The following FHIT variants were observed in gnomAD, a reference collection of about 807,000 sequenced individuals.
FHIT encodes the protein bis(5'-adenosyl)-triphosphatase.
Under a neutral mutation model 17.9 loss-of-function variants are expected in FHIT, and 19 were observed. The observed-to-expected ratio is 1.06, with a 90% CI of 0.74 to 1.56. FHIT has a LOEUF of 1.56. Ranked by LOEUF, FHIT falls within the 40% of genes most tolerant of loss-of-function variation. The probability of loss-of-function intolerance (pLI) is 0.00; values close to 1 mark genes in which losing one functional copy is unlikely to be tolerated. For missense variants in FHIT, 248 were observed against 189.2 expected (o/e 1.31, Z -1.82); for synonymous variants, 81 against 69.7 (o/e 1.16, Z -0.81).
At chr3:59,851,248 A>G (rs1287333199) in intron 8 of FHIT, among the ~76,000 whole-genome samples, 1 of 152,180 alleles carries the variant, frequency 6.6e-6, no homozygotes, top group Non-Finnish European at 1.5e-5. Context: ...CTCATTAATT[A>G]TTAACTAACT....
At chr3:60,406,890 A>G (rs747870466) in intron 5 of FHIT, among the ~76,000 whole-genome samples, 1 of 152,122 alleles carries the variant, frequency 6.6e-6, no homozygotes, top group Non-Finnish European at 1.5e-5. Context: ...TGACTAAAAT[A>G]AACAGAAGAC....
At chr3:60,855,026 T>C (rs576510532) in intron 3 of FHIT, among the ~76,000 whole-genome samples, 11 of 152,260 alleles carry the variant, frequency 7.2e-5, no homozygotes, top group African/African-American at 9.6e-5. Context: ...GAGTCAGTCA[T>C]CTCATTTGCT....
At chr3:60,760,430 G>A (rs1253611236) in intron 4 of FHIT, among the ~76,000 whole-genome samples, 2 of 152,202 alleles carry the variant, frequency 1.3e-5, no homozygotes, top group African/African-American at 4.8e-5. Context: ...GGAGATCTGA[G>A]AAAAGGGTGG....
intron 8 of FHIT, among the ~76,000 whole-genome samples, chr3:59,801,857 T>C (rs1244030458): frequency 6.6e-6 from 1 of 152,228 alleles, no homozygotes; most frequent in Non-Finnish European, 1.5e-5. Flanking sequence ...CCTTTGCTCA[T>C]ACCCTGGTCT....
chr3:60,752,649 C>T (rs2042491854), intron 4 of FHIT, among the ~76,000 whole-genome samples: 1 of 152,186 alleles, frequency 6.6e-6, no homozygotes, highest in African/African-American at 2.4e-5. Context: ...GCAAATGCTG[C>T]TGTTTCCAAA....
intron 8 of FHIT, among the ~76,000 whole-genome samples, chr3:59,779,898 G>T (rs991436896): frequency 3.9e-5 from 6 of 152,224 alleles, no homozygotes; most frequent in African/African-American, 1.4e-4. Context: ...GGATTCTAAA[G>T]TGCATGACCA....
chr3:61,056,672 G>A (rs1156892853), intron 2 of FHIT, among the ~76,000 whole-genome samples: 2 of 152,160 alleles, frequency 1.3e-5, no homozygotes, highest in African/African-American at 4.8e-5. Flanking sequence ...TCTCCACAGA[G>A]GAAGGACAGA....
chr3:60,260,170 T>C (rs368220583), intron 5 of FHIT, among the ~76,000 whole-genome samples: 1 of 151,998 alleles, frequency 6.6e-6, no homozygotes. Flanking sequence ...TTAAGGAAGA[T>C]CTAGCAAAAC....
chr3:60,051,639 T>C (rs1701884753), intron 5 of FHIT, among the ~76,000 whole-genome samples: 1 of 152,150 alleles, frequency 6.6e-6, no homozygotes, highest in Non-Finnish European at 1.5e-5. Context: ...TGAGTATCTA[T>C]ATCTGTAGTG....
At chr3:60,259,923 G>A (rs934751834) in intron 5 of FHIT, among the ~76,000 whole-genome samples, 3 of 152,018 alleles carry the variant, frequency 2.0e-5, no homozygotes, top group African/African-American at 7.2e-5. Context: ...TAATTCAAGG[G>A]AGGGAAAGCA....
chr3:60,346,447 G>C (rs1174934902), intron 5 of FHIT, among the ~76,000 whole-genome samples: 1 of 152,192 alleles, frequency 6.6e-6, no homozygotes, highest in African/African-American at 2.4e-5. Flanking sequence ...TGTGCACTGA[G>C]GGAAGTGGGT....
At chr3:60,175,022 T>G (rs974462500) in intron 5 of FHIT, among the ~76,000 whole-genome samples, 1 of 152,174 alleles carries the variant, frequency 6.6e-6, no homozygotes, top group Non-Finnish European at 1.5e-5. Context: ...TAAACCACCA[T>G]AAAATCCTGA....
intron 4 of FHIT, among the ~76,000 whole-genome samples, chr3:60,740,374 TAATC>T (rs1306316256): frequency 6.6e-6 from 1 of 152,176 alleles, no homozygotes; most frequent in Non-Finnish European, 1.5e-5. Context: ...GAAAAGGAGA[TAATC>T]AATGTACCTA....
At chr3:59,780,645 C>T (rs1363338755) in intron 8 of FHIT, among the ~76,000 whole-genome samples, 1 of 152,010 alleles carries the variant, frequency 6.6e-6, no homozygotes, top group Non-Finnish European at 1.5e-5. Context: ...AAGGTGGAGC[C>T]CCAGGATGGA....
intron 5 of FHIT, among the ~76,000 whole-genome samples, chr3:60,411,022 A>G (rs143424456): frequency 9.8e-5 from 15 of 152,298 alleles, no homozygotes; most frequent in African/African-American, 3.6e-4. Flanking sequence ...AATGTAAAGG[A>G]GACAAATTTG....
intron 5 of FHIT, among the ~76,000 whole-genome samples, chr3:60,518,580 T>C (rs906633826): frequency 6.6e-6 from 1 of 152,198 alleles, no homozygotes; most frequent in African/African-American, 2.4e-5. Flanking sequence ...GTGATTCCAG[T>C]TTAAGAAATT....
At chr3:60,724,796 G>A (rs1166372038) in intron 4 of FHIT, among the ~76,000 whole-genome samples, 1 of 151,670 alleles carries the variant, frequency 6.6e-6, no homozygotes, top group Non-Finnish European at 1.5e-5. Flanking sequence ...TTACAGGCAC[G>A]CCCCACCATG....
intron 3 of FHIT, among the ~76,000 whole-genome samples, chr3:60,915,961 C>T (rs1172211932): frequency 1.3e-5 from 2 of 152,120 alleles, no homozygotes; most frequent in African/African-American, 4.8e-5. Flanking sequence ...TCTCTGTACC[C>T]TCTTCAACAT....
At chr3:60,446,068 C>T (rs2031310263) in intron 5 of FHIT, among the ~76,000 whole-genome samples, 1 of 151,974 alleles carries the variant, frequency 6.6e-6, no homozygotes, top group Non-Finnish European at 1.5e-5. Flanking sequence ...CAAGTAGTAA[C>T]AAAATTAATG....
Sources: allele counts gnomAD v4.1 joint callset (sites outside exome capture counted in the v4.1 genomes callset), GRCh38; gene constraint gnomAD v4.1.1; transcripts MANE v1.5; gene names NCBI Gene and HGNC (gene_info 2026-07-23, HGNC 2026-07-21).